The following PRCP variants were observed in gnomAD, a reference collection of about 807,000 sequenced individuals.
PRCP encodes lysosomal Pro-X carboxypeptidase.
In PRCP, 46 loss-of-function variants were observed where a neutral mutation model predicts 54.2. That is an observed-to-expected ratio of 0.85 (90% CI 0.67 to 1.09). PRCP has a LOEUF of 1.09. Ranked by LOEUF, PRCP falls within the 50% of genes least tolerant of loss-of-function variation. The pLI, the probability that PRCP is intolerant of heterozygous loss-of-function variation, is 0.00. For synonymous variants in PRCP, 240 were observed against 212.2 expected (o/e 1.13, Z -1.14); for missense variants, 613 against 596.8 (o/e 1.03, Z -0.28).
chr11:82,826,743 A>G (rs1202085361), intron 8 of PRCP: 2 of 152,146 alleles, frequency 1.3e-5, no homozygotes, highest in African/African-American at 4.8e-5. Flanking sequence ...GGCCATTTTT[A>G]TATCTTCTTT....
intron 2 of PRCP, among the ~76,000 whole-genome samples, chr11:82,854,284 G>A (rs1859027552): frequency 2.6e-5 from 4 of 152,210 alleles, no homozygotes; most frequent in Admixed American, 2.6e-4. Flanking sequence ...ACTTCTAGAA[G>A]TGACAAAACA....
intron 2 of PRCP, chr11:82,858,370 G>A (rs1335924721): frequency 6.6e-6 from 1 of 152,160 alleles, no homozygotes; most frequent in Non-Finnish European, 1.5e-5. Context: ...GTGTGATGCT[G>A]CCTCTCAACA....
Position 82,824,825 on chromosome 11 carries a change from A to G in PRCP, c.*81T>C, listed in dbSNP as rs1298902402. 26 of 1,349,442 alleles carry G rather than the reference A, an allele frequency of 1.9e-5. No individual in the cohort carries two copies. Among genetic ancestry groups the G allele is most frequent in the Non-Finnish European group, 1.9e-5 (19 of 975,296 alleles). The allele number at this position is 1,349,442 out of a possible 1,614,324, so 83.6% of individuals were successfully genotyped here. A position where few individuals can be genotyped will look rare whatever the true frequency, so the allele number is the denominator to read the frequency against. Reference sequence around the variant, plus strand: ...AATCTAATGATAAACAAAAGAAGGTAATTACATGTAGAAAATCAAAGTGAA... The same window carrying G: ...AATCTAATGATAAACAAAAGAAGGTGATTACATGTAGAAAATCAAAGTGAA... On this transcript the variant is annotated 3_prime_UTR_variant, in exon 9 of 9. Transcript: ENST00000313010.
chr11:82,860,036 C>A lies in PRCP; in HGVS notation c.250G>T (p.Gly84Ter). The change falls in exon 2 of 9, where the codon GGA becomes TGA. Residue 84 changes from glycine to a stop codon, truncating the protein, a stop_gained. Transcript: ENST00000313010. LOFTEE classifies it high-confidence loss of function. Reference sequence around the variant, plus strand: ...TTACCAGTGTAGAAAAGTATTGATCCACCATTTTTCTTCCAGTATTTATCA... The same window carrying A: ...TTACCAGTGTAGAAAAGTATTGATCAACCATTTTTCTTCCAGTATTTATCA... ...VADKYWKKNG[G>*]SILFYTGNEG... 1 of 1,591,530 alleles carries A rather than the reference C, an allele frequency of 6.3e-7. No homozygotes were observed. Among genetic ancestry groups the A allele is most frequent in the Non-Finnish European group, 8.5e-7 (1 of 1,169,764 alleles).
chr11:82,878,016 C>A (rs1859647980), intron 1 of PRCP, among the ~76,000 whole-genome samples: 1 of 152,220 alleles, frequency 6.6e-6, no homozygotes. Flanking sequence ...CCACCTCTTG[C>A]ATCAGTGTGA....
chr11:82,879,323 C>G (rs1301701373), intron 1 of PRCP, among the ~76,000 whole-genome samples: 1 of 152,206 alleles, frequency 6.6e-6, no homozygotes, highest in African/African-American at 2.4e-5. Context: ...ATTGAATCAG[C>G]TGCTGAAGCT....
intron 2 of PRCP, among the ~76,000 whole-genome samples, chr11:82,856,768 G>A (rs942940310): frequency 2.0e-5 from 3 of 152,028 alleles, no homozygotes; most frequent in African/African-American, 7.3e-5. Context: ...AAAAAAATGG[G>A]CCAGGCGCAG....
At chr11:82,890,596 A>G (rs1253588915) in intron 1 of PRCP, among the ~76,000 whole-genome samples, 1 of 152,014 alleles carries the variant, frequency 6.6e-6, no homozygotes, top group East Asian at 1.9e-4. Context: ...CTCCCCCTCC[A>G]TCTACCACAC....
chr11:82,863,297 A>C (rs1241267682), intron 1 of PRCP, among the ~76,000 whole-genome samples: 1 of 152,230 alleles, frequency 6.6e-6, no homozygotes, highest in Non-Finnish European at 1.5e-5. Context: ...AAATACTGTA[A>C]GTATCTCATC....
intron 3 of PRCP, among the ~76,000 whole-genome samples, chr11:82,851,711 C>T (rs532573852): frequency 6.6e-6 from 1 of 152,012 alleles, no homozygotes; most frequent in Non-Finnish European, 1.5e-5. Flanking sequence ...AGCTACATAC[C>T]TCTATTAGGC....
chr11:82,835,723 T>A (rs1858507026), intron 8 of PRCP: 2 of 333,550 alleles, frequency 6.0e-6, no homozygotes, highest in South Asian at 5.3e-5. Context: ...ACTTCTTTAA[T>A]CAGAAGAAAA....
chr11:82,853,985 G>C (rs976511912), intron 2 of PRCP, among the ~76,000 whole-genome samples: 1 of 152,116 alleles, frequency 6.6e-6, no homozygotes, highest in Non-Finnish European at 1.5e-5. Flanking sequence ...CAAAAAAGTA[G>C]GTATTGAAGG....
At chr11:82,857,250 T>A (rs1463851791) in intron 2 of PRCP, among the ~76,000 whole-genome samples, 2 of 152,206 alleles carry the variant, frequency 1.3e-5, no homozygotes, top group African/African-American at 4.8e-5. Flanking sequence ...AACTGAGTGT[T>A]TATAATGTGT....
chr11:82,878,105 A>G (rs1859649935), intron 1 of PRCP, among the ~76,000 whole-genome samples: 2 of 152,192 alleles, frequency 1.3e-5, no homozygotes, highest in Non-Finnish European at 2.9e-5. Flanking sequence ...TCGGACTTGC[A>G]TGGGGCCTGT....
chr11:82,900,197 G>A (rs995322921), intron 1 of PRCP, 38 bp downstream of exon 1: 7 of 1,608,966 alleles, frequency 4.4e-6, no homozygotes, highest in Non-Finnish European at 5.9e-6. Flanking sequence ...GTTCCCGGCG[G>A]TTGGGCCTGG....
intron 1 of PRCP, among the ~76,000 whole-genome samples, chr11:82,866,060 G>C (rs550427983): frequency 3.9e-5 from 6 of 152,266 alleles, no homozygotes; most frequent in African/African-American, 1.4e-4. Context: ...TCAGATCTCT[G>C]GCTCTTGGAT....
In PRCP at chr11:82,874,731, T is replaced by C. The variant is rs140211211; in HGVS notation, c.169-14614A>G. Among the ~76,000 whole-genome samples the C allele has an allele frequency of 8.3e-3, 1,247 of 150,846 alleles. 18 individuals are homozygous for C. The highest frequency in any genetic ancestry group is 0.029 in the African/African-American group (1,193 of 41,100). ...AAAAGAAAAAAAAGAAAACTAGTTG[T>C]ACAGGTTTTATTCTGATAGAGAATA... On this transcript the variant is annotated intron_variant, in intron 1 of 8. Coordinates refer to ENST00000313010, the MANE Select transcript of PRCP (RefSeq NM_005040.4).
intron 1 of PRCP, among the ~76,000 whole-genome samples, chr11:82,871,682 C>T (rs998679829): frequency 6.6e-6 from 1 of 152,218 alleles, no homozygotes; most frequent in Non-Finnish European, 1.5e-5. Flanking sequence ...ACAATCCAAT[C>T]TTGCATACTA....
intron 1 of PRCP, among the ~76,000 whole-genome samples, chr11:82,863,856 T>C (rs1859268237): frequency 6.6e-6 from 1 of 152,112 alleles, no homozygotes; most frequent in Admixed American, 6.5e-5. Context: ...TTGTTAAGAT[T>C]GGGGAAAAGA....
Sources: gnomAD v4.1 joint callset for allele counts (sites outside exome capture counted in the v4.1 genomes callset) on GRCh38, gnomAD v4.1.1 for gene constraint, MANE v1.5 for transcripts, NCBI Gene and HGNC (gene_info 2026-07-23, HGNC 2026-07-21) for gene names.